Variants in FHIT observed in about 807,000 individuals in gnomAD.
FHIT encodes fragile histidine triad diadenosine triphosphatase.
Under a neutral mutation model 17.9 loss-of-function variants are expected in FHIT, and 19 were observed. That is an observed-to-expected ratio of 1.06 (90% CI 0.74 to 1.56). FHIT has a LOEUF of 1.56. Ranked by LOEUF, FHIT falls within the 40% of genes most tolerant of loss-of-function variation. The pLI is 0.00. For missense variants in FHIT, 248 were observed against 189.2 expected, an observed-to-expected ratio of 1.31 and a Z score of -1.82; for synonymous variants, 81 against 69.7, an observed-to-expected ratio of 1.16 and a Z score of -0.81.
chr3:59,849,981 A>T (rs1055707937), intron 8 of FHIT, among the ~76,000 whole-genome samples: 3 of 152,212 alleles, frequency 2.0e-5, no homozygotes, highest in Non-Finnish European at 2.9e-5. Flanking sequence ...CCTAAAAGTA[A>T]GTCATGCTGG....
intron 4 of FHIT, among the ~76,000 whole-genome samples, chr3:60,728,290 G>A (rs2041958376): frequency 6.6e-6 from 1 of 152,070 alleles, no homozygotes; most frequent in African/African-American, 2.4e-5. Context: ...CCTGTCAAAA[G>A]GAAAACTAGT....
chr3:60,195,120 C>T (rs1289446754), intron 5 of FHIT, among the ~76,000 whole-genome samples: 2 of 152,006 alleles, frequency 1.3e-5, no homozygotes, highest in African/African-American at 2.4e-5. Context: ...TAGCCAAGAT[C>T]GCGCCATTCC....
chr3:60,495,339 A>G (rs998431443), intron 5 of FHIT, among the ~76,000 whole-genome samples: 1 of 152,130 alleles, frequency 6.6e-6, no homozygotes, highest in African/African-American at 2.4e-5. Context: ...TCTTTAAGGG[A>G]ATACTCTTAA....
intron 5 of FHIT, among the ~76,000 whole-genome samples, chr3:60,378,265 C>T (rs1030001372): frequency 2.0e-5 from 3 of 151,926 alleles, no homozygotes; most frequent in Admixed American, 6.6e-5. Flanking sequence ...CCTCGTGATC[C>T]GCCCGCCTCA....
intron 7 of FHIT, among the ~76,000 whole-genome samples, chr3:59,985,832 T>C (rs148531345): frequency 3.3e-4 from 50 of 152,146 alleles, no homozygotes; most frequent in African/African-American, 1.1e-3. Flanking sequence ...AGCGCAGGTG[T>C]CCACTCAGTC....
At chr3:60,750,211 G>A (rs2042438956) in intron 4 of FHIT, among the ~76,000 whole-genome samples, 1 of 152,026 alleles carries the variant, frequency 6.6e-6, no homozygotes, top group Admixed American at 6.6e-5. Flanking sequence ...ACCGAGAAGA[G>A]GCCACTGAAT....
At chr3:59,848,951 T>A (rs970743191) in intron 8 of FHIT, among the ~76,000 whole-genome samples, 2 of 152,214 alleles carry the variant, frequency 1.3e-5, no homozygotes, top group Non-Finnish European at 2.9e-5. Flanking sequence ...AAATATCACA[T>A]GATCCTAAAA....
At chr3:60,181,847 C>T (rs961227106) in intron 5 of FHIT, among the ~76,000 whole-genome samples, 20 of 152,130 alleles carry the variant, frequency 1.3e-4, no homozygotes, top group African/African-American at 4.8e-4. Flanking sequence ...TAAGTTGTTA[C>T]ATGTCTGACT....
intron 4 of FHIT, among the ~76,000 whole-genome samples, chr3:60,616,396 G>C (rs2038950903): frequency 6.6e-6 from 1 of 152,160 alleles, no homozygotes; most frequent in East Asian, 1.9e-4. Context: ...CAGGTGTGCT[G>C]AAAGTTTCTC....
At position 60,769,942 on chromosome 3, in the gene FHIT, G is replaced by A. The variant is rs536542620; in HGVS notation, c.-18+51977C>T. On this transcript the variant is annotated intron_variant, in intron 4 of 9. Transcript: ENST00000492590. Reference sequence around the variant, plus strand: ...AATTGGAAGCTGAAACTGTCCAGTGGACATTTTGGACACCTCACACCCCAC... The same window carrying A: ...AATTGGAAGCTGAAACTGTCCAGTGAACATTTTGGACACCTCACACCCCAC... Among the ~76,000 whole-genome samples, 5 of 152,312 alleles carry A rather than the reference G, an allele frequency of 3.3e-5. No individual in the cohort carries two copies. The East Asian group carries it at 5.8e-4, about 18-fold the overall frequency.
intron 5 of FHIT, among the ~76,000 whole-genome samples, chr3:60,416,713 G>A (rs1330108270): frequency 1.3e-5 from 2 of 152,120 alleles, no homozygotes; most frequent in Admixed American, 6.5e-5. Context: ...GCTAGCTGTA[G>A]TTATTAACTG....
chr3:60,234,185 C>A (rs894684320), intron 5 of FHIT, among the ~76,000 whole-genome samples: 2 of 152,002 alleles, frequency 1.3e-5, no homozygotes, highest in African/African-American at 2.4e-5. Flanking sequence ...TCAGACCAGA[C>A]AATTAAAGCT....
At chr3:60,645,137 C>T (rs1188440139) in intron 4 of FHIT, among the ~76,000 whole-genome samples, 2 of 152,150 alleles carry the variant, frequency 1.3e-5, no homozygotes, top group African/African-American at 4.8e-5. Flanking sequence ...TTTTCCATGA[C>T]TCCTTCAGTT....
chr3:60,371,319 C>A (rs903792027), intron 5 of FHIT, among the ~76,000 whole-genome samples: 1 of 151,996 alleles, frequency 6.6e-6, no homozygotes, highest in African/African-American at 2.4e-5. Flanking sequence ...AAATATTCAT[C>A]TTTTTTATGC....
intron 7 of FHIT, among the ~76,000 whole-genome samples, chr3:59,987,014 A>T (rs1248636754): frequency 2.4e-5 from 3 of 124,788 alleles, no homozygotes; most frequent in African/African-American, 9.0e-5. Flanking sequence ...TTAAAAAATA[A>T]AAAAATAAAA....
intron 6 of FHIT, among the ~76,000 whole-genome samples, chr3:60,013,575 T>A (rs565323414): frequency 1.3e-5 from 2 of 152,262 alleles, no homozygotes; most frequent in African/African-American, 4.8e-5. Context: ...CTGTGATCAA[T>A]CTCTGCATCT....
intron 3 of FHIT, among the ~76,000 whole-genome samples, chr3:60,852,725 GA>G (rs35871635): frequency 2.0e-5 from 3 of 151,826 alleles, no homozygotes; most frequent in Admixed American, 6.6e-5. Context: ...AGGCAGTCTT[GA>G]AAAAAAGAAA....
chr3:60,147,651 A>T (rs888535249), intron 5 of FHIT, among the ~76,000 whole-genome samples: 1 of 152,184 alleles, frequency 6.6e-6, no homozygotes, highest in African/African-American at 2.4e-5. Flanking sequence ...AAGAGTAAGT[A>T]AAGAGCAAGG....
chr3:60,357,605 C>T (rs1354985799), intron 5 of FHIT, among the ~76,000 whole-genome samples: 2 of 152,128 alleles, frequency 1.3e-5, no homozygotes, highest in African/African-American at 4.8e-5. Flanking sequence ...AAGTTTTACA[C>T]ACTACTTAAG....
Sources: gnomAD v4.1 joint callset for allele counts (sites outside exome capture counted in the v4.1 genomes callset) on GRCh38, gnomAD v4.1.1 for gene constraint, MANE v1.5 for transcripts, NCBI Gene and HGNC (gene_info 2026-07-23, HGNC 2026-07-21) for gene names.